TXNRD1: variants seen among roughly 807,000 people sequenced by gnomAD.
TXNRD1 encodes the protein thioredoxin reductase 1, also known as thioredoxin reductase 1, cytoplasmic.
Under a neutral mutation model 80.3 loss-of-function variants are expected in TXNRD1, and 57 were observed. That is an observed-to-expected ratio of 0.71 (90% CI 0.57 to 0.89). TXNRD1 has a LOEUF of 0.89. TXNRD1 is among the 40% of genes least tolerant of loss of function. TXNRD1 has a pLI of 0.00. For missense variants in TXNRD1, 730 were observed against 803.0 expected, an observed-to-expected ratio of 0.91 and a Z score of 1.10; for synonymous variants, 291 against 285.2, an observed-to-expected ratio of 1.02 and a Z score of -0.20.
chr12:104,293,582 C>T lies in TXNRD1; in HGVS notation c.414+4542C>T, dbSNP rs143922410. Among the ~76,000 whole-genome samples the T allele has an allele frequency of 2.3e-3, 347 of 152,224 alleles. 2 individuals are homozygous for T. Among genetic ancestry groups the T allele is most frequent in the Non-Finnish European group, 2.6e-3 (177 of 67,978 alleles). On this transcript the variant is annotated intron_variant, in intron 4 of 16. Coordinates refer to ENST00000525566, the MANE Select transcript of TXNRD1 (RefSeq NM_001093771.3). The stretch of plus-strand genomic sequence containing the variant: ...CCTCCCACCTCAGCCTCCCGAATAG[C>T]TGGAACTACAAGCGCACACCACCTC...
At position 104,311,425 on chromosome 12, in the gene TXNRD1, G is replaced by GTGTTGTC. The variant is rs564735344; in HGVS notation, c.537+30_537+36dup. 4.8e-3 allele frequency: 7,790 copies of GTGTTGTC among 1,612,122 alleles called. 21 individuals carry two copies. The highest frequency in any genetic ancestry group is 6.1e-3 in the Non-Finnish European group (7,151 of 1,179,216). On this transcript the variant is annotated intron_variant, in intron 5 of 16. Coordinates refer to ENST00000525566, the MANE Select transcript of TXNRD1 (RefSeq NM_001093771.3). ...GGCAGCTGCTAAGGCAAGGCTCCTT[G>GTGTTGTC]TGTTGTCTGTTGTCTGTTGTCTGGG... is the stretch of plus-strand genomic sequence containing the variant.
intron 1 of TXNRD1, among the ~76,000 whole-genome samples, chr12:104,250,263 TG>T (rs1403511750): frequency 6.6e-6 from 1 of 152,096 alleles, no homozygotes; most frequent in African/African-American, 2.4e-5. Context: ...TAACTTAAAA[TG>T]GATCATAGTC....
intron 1 of TXNRD1, among the ~76,000 whole-genome samples, chr12:104,225,443 C>T (rs747823357): frequency 5.9e-5 from 9 of 152,132 alleles, no homozygotes; most frequent in Non-Finnish European, 8.8e-5. Flanking sequence ...AGCTCTGTGT[C>T]CCCACCCAAA....
chr12:104,313,836 C>A (rs1339380284), intron 6 of TXNRD1, among the ~76,000 whole-genome samples: 1 of 151,958 alleles, frequency 6.6e-6, no homozygotes, highest in Non-Finnish European at 1.5e-5. Context: ...AGTGGGGAGA[C>A]AAAAGATACC....
At chr12:104,268,441 C>T (rs916318307) in intron 3 of TXNRD1, among the ~76,000 whole-genome samples, 10 of 151,622 alleles carry the variant, frequency 6.6e-5, no homozygotes, top group South Asian at 4.2e-4. Context: ...AGGAGAGTGG[C>T]GTGAACCCGA....
chr12:104,267,326 A>G (rs1565869835), intron 3 of TXNRD1, among the ~76,000 whole-genome samples: 4 of 93,750 alleles, frequency 4.3e-5, no homozygotes, highest in Non-Finnish European at 8.0e-5. Context: ...TGCCCAGGCT[A>G]TAGTGCAGTG....
At chr12:104,288,615 T>A (rs1021418460) in intron 3 of TXNRD1, 1 of 525,122 alleles carries the variant, frequency 1.9e-6, no homozygotes, top group Non-Finnish European at 2.8e-6. Context: ...ATTCGGGATT[T>A]ACCGGGAAAG....
At chr12:104,259,678 A>T (rs1436691828) in intron 3 of TXNRD1, among the ~76,000 whole-genome samples, 2 of 151,554 alleles carry the variant, frequency 1.3e-5, no homozygotes, top group Admixed American at 6.6e-5. Context: ...TTTAGTAGAG[A>T]TGGGGTTTCT....
At chr12:104,248,574 C>T (rs2033042406) in intron 1 of TXNRD1, among the ~76,000 whole-genome samples, 1 of 152,160 alleles carries the variant, frequency 6.6e-6, no homozygotes, top group Non-Finnish European at 1.5e-5. Context: ...GGGTGTGAGC[C>T]ACGCGCCTGG....
chr12:104,252,690 A>ATTTTTTTTT (rs869239974), intron 2 of TXNRD1, among the ~76,000 whole-genome samples: 2 of 39,650 alleles, frequency 5.0e-5, no homozygotes, highest in African/African-American at 2.3e-4. Context: ...ATATATATAT[A>ATTTTTTTTT]TTTTTTTTTT....
At chr12:104,277,076 T>C (rs1357223315) in intron 3 of TXNRD1, among the ~76,000 whole-genome samples, 1 of 151,934 alleles carries the variant, frequency 6.6e-6, no homozygotes, top group Non-Finnish European at 1.5e-5. Flanking sequence ...AGCGAGACCC[T>C]GTCTCTACAA....
At chr12:104,268,464 G>A (rs970401808) in intron 3 of TXNRD1, among the ~76,000 whole-genome samples, 1 of 151,690 alleles carries the variant, frequency 6.6e-6, no homozygotes, top group African/African-American at 2.4e-5. Context: ...GGCTGAGCTT[G>A]CAGAGAGCTG....
chr12:104,322,374 C>CTTTTTTT (rs58288808), intron 10 of TXNRD1, among the ~76,000 whole-genome samples: 5 of 61,544 alleles, frequency 8.1e-5, no homozygotes, highest in African/African-American at 3.6e-4. Flanking sequence ...TTATTTTTAC[C>CTTTTTTT]TTTTTTTTTT....
At chr12:104,320,407 C>T (rs980293043) in intron 9 of TXNRD1, among the ~76,000 whole-genome samples, 1 of 152,192 alleles carries the variant, frequency 6.6e-6, no homozygotes, top group African/African-American at 2.4e-5. Context: ...GCTCTGCCCT[C>T]ATGGCCTAAT....
rs766877381 is a variant in TXNRD1 at position 104,319,004 on chromosome 12, A to G, written c.822A>G (p.Lys274=). 4.3e-6 allele frequency: 7 copies of G among 1,613,980 alleles called. No homozygotes were observed. Among genetic ancestry groups the G allele is most frequent in the Non-Finnish European group, 5.1e-6 (6 of 1,179,868 alleles). Residue 274 remains lysine (K), a synonymous_variant, in exon 8 of 17, where the codon AAA becomes AAG. Transcript: ENST00000525566. ...ACCGAGTAGCTCTGCGGGAGAAAAA[A>G]GTCGTCTATGAGAATGCTTATGGGC... is the stretch of plus-strand genomic sequence containing the variant. ...WGYRVALREK[K]VVYENAYGQF...
intron 3 of TXNRD1, chr12:104,265,346 T>G: frequency 6.2e-7 from 1 of 1,608,926 alleles, no homozygotes; most frequent in Non-Finnish European, 8.5e-7. Context: ...TACAAGGTAG[T>G]GGGTCGCTGC....
intron 5 of TXNRD1, 47 bp from the exon 6 acceptor site, chr12:104,313,198 C>A: frequency 6.9e-7 from 1 of 1,457,368 alleles, no homozygotes; most frequent in Non-Finnish European, 9.4e-7. Context: ...CATTTCCAAT[C>A]TGTCATGTTA....
chr12:104,248,223 A>G (rs1353285212), intron 1 of TXNRD1, among the ~76,000 whole-genome samples: 1 of 151,856 alleles, frequency 6.6e-6, no homozygotes, highest in Non-Finnish European at 1.5e-5. Flanking sequence ...AAGTATATGC[A>G]TATATGTGTG....
chr12:104,265,829 C>G, intron 3 of TXNRD1: 1 of 1,460,976 alleles, frequency 6.8e-7, no homozygotes, highest in Non-Finnish European at 9.4e-7. Context: ...AGGCCCAACA[C>G]CTTCTTCTAG....
Sources: gnomAD v4.1 joint callset for allele counts (sites outside exome capture counted in the v4.1 genomes callset) on GRCh38, gnomAD v4.1.1 for gene constraint, MANE v1.5 for transcripts, NCBI Gene and HGNC (gene_info 2026-07-23, HGNC 2026-07-21) for gene names.